Variants in KRAS observed in about 807,000 individuals in gnomAD.
The protein encoded by KRAS is KRas proto-oncogene, GTPase.
In KRAS, 1 loss-of-function variant was observed where a neutral mutation model predicts 21.0. That is an observed-to-expected ratio of 0.05 (90% CI 0.02 to 0.23). The LOEUF is 0.23. Among genes scored for constraint, KRAS ranks in the 10% least tolerant of loss-of-function variants. The pLI, the probability that KRAS is intolerant of heterozygous loss-of-function variation, is 1.00. For missense variants in KRAS, 107 were observed against 221.8 expected, an observed-to-expected ratio of 0.48 and a Z score of 3.29; for synonymous variants, 67 against 72.5, an observed-to-expected ratio of 0.92 and a Z score of 0.39.
At position 25,245,361 on chromosome 12, in the gene KRAS, T is replaced by C. The variant is rs147406419; in HGVS notation, c.24A>G (p.Val8=). The C allele has an allele frequency of 4.6e-4, 742 of 1,612,464 alleles. No homozygotes were observed. Among genetic ancestry groups the C allele is most frequent in the Non-Finnish European group, 6.0e-4 (712 of 1,179,132 alleles). The change falls in exon 2 of 5, where the codon GTA becomes GTG. Residue 8 remains valine, a synonymous_variant. Coordinates refer to ENST00000311936, the MANE Select transcript of KRAS (RefSeq NM_004985.5). ...TCTTGCCTACGCCACCAGCTCCAACTACCACAAGTTTATATTCAGTCATTT... is the reference window on the plus strand; with the variant it reads ...TCTTGCCTACGCCACCAGCTCCAACCACCACAAGTTTATATTCAGTCATTT... MTEYKLV[V]VGAGGVGKSA...
intron 2 of KRAS, among the ~76,000 whole-genome samples, chr12:25,239,908 G>A (rs188515367): frequency 4.6e-5 from 7 of 151,710 alleles, no homozygotes; most frequent in East Asian, 3.9e-4. Flanking sequence ...AGCCAAGATC[G>A]CGCCACTGCA....
intron 4 of KRAS, among the ~76,000 whole-genome samples, chr12:25,220,905 G>C (rs1951314003): frequency 1.3e-5 from 2 of 151,254 alleles, no homozygotes; most frequent in African/African-American, 4.9e-5. Flanking sequence ...CGTGCCTGTA[G>C]TCCCAGCTGC....
chr12:25,216,467 G>T (rs1051929173), intron 4 of KRAS, among the ~76,000 whole-genome samples: 1 of 152,080 alleles, frequency 6.6e-6, no homozygotes, highest in African/African-American at 2.4e-5. Context: ...TAGAGACAGG[G>T]TTTTGCCATG....
chr12:25,245,237 C>T (rs1169013342), intron 2 of KRAS, 37 bp downstream of exon 2: 1 of 1,568,098 alleles, frequency 6.4e-7, no homozygotes, highest in Non-Finnish European at 8.7e-7. Context: ...AAAGAATGGT[C>T]CTGCACCAGT....
At chr12:25,250,676 C>A in intron 1 of KRAS, 75 bp downstream of exon 1, 1 of 176,160 alleles carries the variant, frequency 5.7e-6, no homozygotes, top group South Asian at 1.8e-4. Flanking sequence ...ATTCACTCGC[C>A]GCCGGCCCCG....
chr12:25,245,141 G>A (rs1341055005), intron 2 of KRAS, 133 bp downstream of exon 2: 3 of 983,584 alleles, frequency 3.1e-6, no homozygotes, highest in Non-Finnish European at 4.7e-6. Flanking sequence ...TGAAACCCAA[G>A]GTACATTTCA....
At chr12:25,240,770 T>C (rs118168225) in intron 2 of KRAS, among the ~76,000 whole-genome samples, 1,969 of 152,294 alleles carry the variant, frequency 0.013, 96 homozygotes, top group East Asian at 0.1. Flanking sequence ...TTTGGATTTA[T>C]AAAAACCCAA....
At chr12:25,241,134 GCCT>G (rs1052974897) in intron 2 of KRAS, among the ~76,000 whole-genome samples, 3 of 152,066 alleles carry the variant, frequency 2.0e-5, no homozygotes, top group Non-Finnish European at 2.9e-5. Context: ...CTTATATACT[GCCT>G]CGTTTCCTTT....
rs1413979444 is a variant in KRAS at position 25,205,510 on chromosome 12, A to G, written c.*4285T>C. 1 of 216,334 alleles carries G rather than the reference A, an allele frequency of 4.6e-6. No homozygotes were observed. Among genetic ancestry groups the G allele is most frequent in the Non-Finnish European group, 9.3e-6 (1 of 107,134 alleles). The allele number at this position is 216,334 out of a possible 1,614,324, so 13.4% of individuals were successfully genotyped here. ...GTACAAAATGTGCATGTTTCAGTTT[A>G]CACTATACAAAAATAGTTAAAATAC... On this transcript the variant is annotated 3_prime_UTR_variant, in exon 5 of 5. Transcript: ENST00000311936.
intron 4 of KRAS, among the ~76,000 whole-genome samples, chr12:25,213,932 C>T (rs1951226464): frequency 6.6e-6 from 1 of 152,192 alleles, no homozygotes; most frequent in East Asian, 1.9e-4. Context: ...AGGAACCTTA[C>T]TAGGCAATGG....
chr12:25,223,606 T>C (rs982560107), intron 4 of KRAS, among the ~76,000 whole-genome samples: 3 of 152,192 alleles, frequency 2.0e-5, no homozygotes, highest in Non-Finnish European at 4.4e-5. Context: ...CCAAAATGAC[T>C]TGAAGTAGAA....
chr12:25,249,170 G>A (rs1030541235), intron 1 of KRAS, among the ~76,000 whole-genome samples: 4 of 152,176 alleles, frequency 2.6e-5, no homozygotes, highest in African/African-American at 7.2e-5. Context: ...GCCGAGGCGG[G>A]CAGATCACGA....
In KRAS at chr12:25,206,123, C is replaced by A. The variant is rs1951136164; in HGVS notation, c.*3672G>T. 1 of 213,552 alleles carries A rather than the reference C, an allele frequency of 4.7e-6. No homozygotes were observed. Among genetic ancestry groups the A allele is most frequent in the Non-Finnish European group, 9.4e-6 (1 of 106,264 alleles). The allele number at this position is 213,552 out of a possible 1,614,324, so 13.2% of individuals were successfully genotyped here. Reference sequence around the variant, plus strand: ...AAAATGTTTAGAAGAAAAAAAAAATCAATGGAATACAAATGAGATGAACTT... The same window carrying A: ...AAAATGTTTAGAAGAAAAAAAAAATAAATGGAATACAAATGAGATGAACTT... On this transcript the variant is annotated 3_prime_UTR_variant, in exon 5 of 5. Coordinates refer to ENST00000311936, the MANE Select transcript of KRAS (RefSeq NM_004985.5).
intron 4 of KRAS, among the ~76,000 whole-genome samples, chr12:25,218,315 C>T (rs1440010001): frequency 1.3e-5 from 2 of 149,334 alleles, no homozygotes; most frequent in African/African-American, 5.1e-5. Context: ...ACTAATTTAG[C>T]AGAAGCAAAT....
intron 2 of KRAS, among the ~76,000 whole-genome samples, chr12:25,230,795 AAATT>A (rs34440126): frequency 0.49 from 74,043 of 151,714 alleles, 19,046 homozygotes; most frequent in East Asian, 0.8. Context: ...TCTGTAATAA[AAATT>A]AATTATCTCA....
Position 25,208,021 on chromosome 12 carries a change from T to C in KRAS, c.*1774A>G, listed in dbSNP as rs1256368942. 8.6e-6 allele frequency: 2 copies of C among 233,156 alleles called. No individual in the cohort carries two copies. The highest frequency in any genetic ancestry group is 4.4e-5 in the African/African-American group (2 of 45,334). The allele number at this position is 233,156 out of a possible 1,614,324, so 14.4% of individuals were successfully genotyped here. On this transcript the variant is annotated 3_prime_UTR_variant, in exon 5 of 5. Coordinates refer to ENST00000311936, the MANE Select transcript of KRAS (RefSeq NM_004985.5). Reference sequence around the variant, plus strand: ...AGAAGAGTCCTAAAACGAGAATGGATATTCAAATATAAACTTCACCTCTTG... The same window carrying C: ...AGAAGAGTCCTAAAACGAGAATGGACATTCAAATATAAACTTCACCTCTTG...
chr12:25,210,403 A>C (rs1951189830), intron 4 of KRAS, among the ~76,000 whole-genome samples: 1 of 152,188 alleles, frequency 6.6e-6, no homozygotes, highest in African/African-American at 2.4e-5. Flanking sequence ...TTAAAAATTT[A>C]CCAAGAAGTA....
In KRAS at chr12:25,249,084, CCTGT is replaced by C. The variant is rs375056354; in HGVS notation, c.-12+1663_-12+1666del. Among the ~76,000 whole-genome samples the C allele has an allele frequency of 4.9e-3, 740 of 152,204 alleles. 6 individuals are homozygous for C. The highest frequency in any genetic ancestry group is 0.017 in the African/African-American group (693 of 41,516). On this transcript the variant is annotated intron_variant, in intron 1 of 4. Coordinates refer to ENST00000311936, the MANE Select transcript of KRAS (RefSeq NM_004985.5). Reference sequence around the variant, plus strand: ...TATACATTGTATAACAATTAGAAAACCTGTCTGTTTTGATGGATCTCAAGATTTA... The same window carrying C: ...TATACATTGTATAACAATTAGAAAACCTGTTTTGATGGATCTCAAGATTTA...
chr12:25,215,586 A>G (rs1366607343), intron 4 of KRAS: 1 of 1,588,888 alleles, frequency 6.3e-7, no homozygotes, highest in South Asian at 1.1e-5. Context: ...CAACTTCTTT[A>G]AAGTCTGTTG....
Sources: allele counts gnomAD v4.1 joint callset (sites outside exome capture counted in the v4.1 genomes callset), GRCh38; gene constraint gnomAD v4.1.1; transcripts MANE v1.5; gene names NCBI Gene and HGNC (gene_info 2026-07-23, HGNC 2026-07-21).